PLCB1: variants seen among roughly 807,000 people sequenced by gnomAD.
The protein encoded by PLCB1 is 1-phosphatidylinositol 4,5-bisphosphate phosphodiesterase beta-1.
A neutral mutation model predicts 161.8 loss-of-function variants in PLCB1; 46 were observed. The ratio of observed to expected loss-of-function variants is 0.28; its 90% confidence interval spans 0.22 to 0.36. The LOEUF (loss-of-function observed/expected upper bound fraction) is 0.36. Ranked by LOEUF, PLCB1 falls within the 10% of genes least tolerant of loss-of-function variation. The pLI, the probability that PLCB1 is intolerant of heterozygous loss-of-function variation, is 1.00. For synonymous variants in PLCB1, 517 were observed against 503.7 expected (o/e 1.03, Z -0.35); for missense variants, 1,016 against 1,472.5 (o/e 0.69, Z 5.07).
chr20:8,551,488 G>A (rs1351433848), intron 3 of PLCB1, among the ~76,000 whole-genome samples: 4 of 152,206 alleles, frequency 2.6e-5, no homozygotes, highest in African/African-American at 9.6e-5. Context: ...TTCGAAGGGT[G>A]TGACCTTTAC....
At chr20:8,316,486 C>T (rs922724672) in intron 2 of PLCB1, among the ~76,000 whole-genome samples, 6 of 152,232 alleles carry the variant, frequency 3.9e-5, no homozygotes, top group South Asian at 2.1e-4. Flanking sequence ...CAGCCCCTCA[C>T]GCCAATTCAG....
intron 31 of PLCB1, among the ~76,000 whole-genome samples, chr20:8,839,935 G>A (rs1986433994): frequency 6.6e-6 from 1 of 151,816 alleles, no homozygotes; most frequent in African/African-American, 2.4e-5. Flanking sequence ...GGAGGCTGAG[G>A]CAGGAGAATC....
In PLCB1 at chr20:8,320,818, G is replaced by A. The variant is rs201514581; in HGVS notation, c.178-50564G>A. 4.8e-4 allele frequency among the ~76,000 whole-genome samples: 39 copies of A among 81,798 alleles called. No homozygotes were observed. The East Asian group carries it at 9.5e-3, about 20-fold the overall frequency. The allele number at this position is 81,798 out of a possible 152,430, so 53.7% of individuals were successfully genotyped here. ...AGAAAGAAGAAAGAAAGAAAGAAAGGGAGGGAGGGAGAGAGGGAGGGAGGG... is the reference window on the plus strand; with the variant it reads ...AGAAAGAAGAAAGAAAGAAAGAAAGAGAGGGAGGGAGAGAGGGAGGGAGGG... On this transcript the variant is annotated intron_variant, in intron 2 of 31. Coordinates refer to ENST00000338037, the MANE Select transcript of PLCB1 (RefSeq NM_015192.4).
chr20:8,851,977 A>G (rs913710988), intron 31 of PLCB1, among the ~76,000 whole-genome samples: 1 of 152,208 alleles, frequency 6.6e-6, no homozygotes, highest in Non-Finnish European at 1.5e-5. Flanking sequence ...AGTGTGGTGT[A>G]TTCACATACT....
chr20:8,583,344 A>G (rs1986891684), intron 3 of PLCB1, among the ~76,000 whole-genome samples: 1 of 152,234 alleles, frequency 6.6e-6, no homozygotes, highest in Non-Finnish European at 1.5e-5. Context: ...TAAAAGTGAT[A>G]AATTCTTATG....
intron 27 of PLCB1, among the ~76,000 whole-genome samples, chr20:8,785,593 G>T (rs374681708): frequency 6.6e-6 from 1 of 152,152 alleles, no homozygotes; most frequent in Non-Finnish European, 1.5e-5. Flanking sequence ...TGTGATGGGA[G>T]CCAAGAGGGA....
intron 9 of PLCB1, among the ~76,000 whole-genome samples, chr20:8,659,991 C>CAAAAAAA (rs11482818): frequency 9.1e-6 from 1 of 109,860 alleles, no homozygotes; most frequent in African/African-American, 3.3e-5. Context: ...GACTCTGTCT[C>CAAAAAAA]AAAAAAAAAA....
intron 31 of PLCB1, among the ~76,000 whole-genome samples, chr20:8,839,994 G>A (rs1056237206): frequency 4.0e-5 from 6 of 150,582 alleles, no homozygotes; most frequent in African/African-American, 1.5e-4. Context: ...TCGCGCCACT[G>A]CACTCCAACC....
intron 3 of PLCB1, among the ~76,000 whole-genome samples, chr20:8,557,027 AAT>A (rs1169490828): frequency 6.7e-6 from 1 of 149,500 alleles, no homozygotes; most frequent in African/African-American, 2.5e-5. Context: ...AAATAAAAAA[AAT>A]AATAAAAATG....
At chr20:8,703,804 A>G (rs1978506642) in intron 11 of PLCB1, among the ~76,000 whole-genome samples, 1 of 152,202 alleles carries the variant, frequency 6.6e-6, no homozygotes, top group Non-Finnish European at 1.5e-5. Context: ...GATGGGGGGC[A>G]TGGACTCCCT....
chr20:8,261,317 T>G (rs1347335490), intron 2 of PLCB1, among the ~76,000 whole-genome samples: 1 of 152,088 alleles, frequency 6.6e-6, no homozygotes, highest in Non-Finnish European at 1.5e-5. Flanking sequence ...AGAGAGCATA[T>G]TGACATGTTA....
chr20:8,652,333 A>C (rs1329560724), intron 7 of PLCB1: 1 of 152,158 alleles, frequency 6.6e-6, no homozygotes, highest in Non-Finnish European at 1.5e-5. Flanking sequence ...AAAAATTATT[A>C]TTCATAGTAA....
chr20:8,612,317 G>A (rs764067843), intron 3 of PLCB1, among the ~76,000 whole-genome samples: 89 of 152,134 alleles, frequency 5.9e-4, no homozygotes, highest in Non-Finnish European at 9.3e-4. Flanking sequence ...AGGAGAGGTC[G>A]CTTCAGTAAA....
chr20:8,683,291 G>A (rs1022805819), intron 9 of PLCB1, among the ~76,000 whole-genome samples: 4 of 151,720 alleles, frequency 2.6e-5, no homozygotes, highest in Admixed American at 2.0e-4. Context: ...GAAAAGTTAG[G>A]GATGTTCAAA....
chr20:8,326,081 GTTGT>G (rs924380916), intron 2 of PLCB1, among the ~76,000 whole-genome samples: 1 of 152,120 alleles, frequency 6.6e-6, no homozygotes, highest in Non-Finnish European at 1.5e-5. Context: ...ACCCTTCGAG[GTTGT>G]TTAAGTAAAT....
rs776521374 is a variant in PLCB1, at chr20:8,548,605, ATCTG to A, written c.247-79685_247-79682del. On this transcript the variant is annotated intron_variant, in intron 3 of 31. Coordinates refer to ENST00000338037, the MANE Select transcript of PLCB1 (RefSeq NM_015192.4). ...CTATTATCTATCCATCTATTCATCT[ATCTG>A]TCTATCTCTATATGTATATATTCAA... Among the ~76,000 whole-genome samples, 5 of 150,810 alleles carry A rather than the reference ATCTG, an allele frequency of 3.3e-5. 1 individual carries two copies. The highest frequency in any genetic ancestry group is 1.2e-4 in the African/African-American group (5 of 40,708).
At chr20:8,158,018 T>TCC (rs1327636960) in intron 2 of PLCB1, among the ~76,000 whole-genome samples, 2 of 152,246 alleles carry the variant, frequency 1.3e-5, no homozygotes, top group Admixed American at 1.3e-4. Context: ...ATTTAGCTCT[T>TCC]CCCACTACTT....
intron 31 of PLCB1, among the ~76,000 whole-genome samples, chr20:8,842,455 C>T (rs568952270): frequency 2.6e-5 from 4 of 152,182 alleles, no homozygotes; most frequent in South Asian, 2.1e-4. Context: ...TGTATTATTT[C>T]GATTTGAACT....
chr20:8,241,386 C>G (rs1319933241), intron 2 of PLCB1, among the ~76,000 whole-genome samples: 1 of 151,860 alleles, frequency 6.6e-6, no homozygotes, highest in Non-Finnish European at 1.5e-5. Context: ...CTCTTTCTCT[C>G]TTCACATGGA....
Sources: gnomAD v4.1 joint callset for allele counts (sites outside exome capture counted in the v4.1 genomes callset) on GRCh38, gnomAD v4.1.1 for gene constraint, MANE v1.5 for transcripts, NCBI Gene and HGNC (gene_info 2026-07-23, HGNC 2026-07-21) for gene names.